CNTN5: variants seen among roughly 807,000 people sequenced by gnomAD.
The protein encoded by CNTN5 is contactin 5.
CNTN5 carries 77 observed loss-of-function variants against 129.1 expected under a neutral mutation model. The ratio of observed to expected loss-of-function variants is 0.60; its 90% CI spans 0.50 to 0.72. The LOEUF is 0.72. Among genes scored for constraint, CNTN5 ranks in the 30% least tolerant of loss-of-function variants. The pLI is 0.00. For synonymous variants in CNTN5, 509 were observed against 465.6 expected (o/e 1.09, Z -1.20); for missense variants, 1,478 against 1,328.8 (o/e 1.11, Z -1.75).
intron 13 of CNTN5, among the ~76,000 whole-genome samples, chr11:100,161,196 A>T (rs766199937): frequency 2.0e-4 from 31 of 151,814 alleles, no homozygotes; most frequent in Non-Finnish European, 3.8e-4. Flanking sequence ...GTTTTTCATG[A>T]TTGGGCTGTG....
intron 7 of CNTN5, among the ~76,000 whole-genome samples, chr11:99,916,621 A>G (rs1483658157): frequency 2.0e-5 from 3 of 152,138 alleles, no homozygotes; most frequent in Non-Finnish European, 4.4e-5. Context: ...CAAAACTGCA[A>G]TTTAGTTAGT....
In CNTN5 at chr11:100,299,189, G is replaced by A. The variant is rs2138889511; in HGVS notation, c.2413G>A (p.Glu805Lys). Residue 805 changes from glutamate (E) to lysine (K), a missense_variant, in exon 20 of 25, where the codon GAA becomes AAA. Glu to Lys is a moderately conservative substitution (Grantham distance 56). Coordinates refer to ENST00000524871, the MANE Select transcript of CNTN5 (RefSeq NM_014361.4). ...AGTATCTGAAGAGTTTCAGAATGGG[G>A]AAGGCTTCGGCTATATTGTGGCTTT... is the stretch of plus-strand genomic sequence containing the variant. Reference protein sequence around the residue: ...EPVSEEFQNGEGFGYIVAFRP... With the variant: ...EPVSEEFQNGKGFGYIVAFRP... 1 of 1,606,650 alleles carries A rather than the reference G, an allele frequency of 6.2e-7. No individual in the cohort carries two copies. Among genetic ancestry groups the A allele is most frequent in the Non-Finnish European group, 8.5e-7 (1 of 1,175,512 alleles).
intron 3 of CNTN5, among the ~76,000 whole-genome samples, chr11:99,594,745 G>GATC (rs1178511744): frequency 3.9e-5 from 6 of 152,206 alleles, no homozygotes; most frequent in African/African-American, 1.4e-4. Flanking sequence ...TGCTGCTTTA[G>GATC]ATCAGTACAA....
chr11:99,652,267 C>A (rs981857056), intron 3 of CNTN5, among the ~76,000 whole-genome samples: 3 of 151,970 alleles, frequency 2.0e-5, no homozygotes, highest in African/African-American at 7.2e-5. Flanking sequence ...TCATATAGCC[C>A]CCTCTCACAA....
intron 9 of CNTN5, among the ~76,000 whole-genome samples, chr11:100,057,953 G>A (rs1018118999): frequency 1.3e-5 from 2 of 151,944 alleles, no homozygotes; most frequent in Non-Finnish European, 2.9e-5. Context: ...TCCACCATAC[G>A]TTACAATTGA....
chr11:100,136,600 G>A (rs987023164), intron 13 of CNTN5, among the ~76,000 whole-genome samples: 39 of 151,776 alleles, frequency 2.6e-4, no homozygotes, highest in Non-Finnish European at 3.1e-4. Flanking sequence ...AAAATCATAT[G>A]AATAATAAAT....
chr11:99,662,131 G>A (rs546944426), intron 3 of CNTN5, among the ~76,000 whole-genome samples: 1 of 152,120 alleles, frequency 6.6e-6, no homozygotes, highest in South Asian at 2.1e-4. Context: ...TCTACTAACG[G>A]GGTTTGCCCT....
At chr11:100,192,731 A>T (rs909651499) in intron 14 of CNTN5, among the ~76,000 whole-genome samples, 1 of 151,994 alleles carries the variant, frequency 6.6e-6, no homozygotes, top group African/African-American at 2.4e-5. Flanking sequence ...TTTAGCCTTT[A>T]TTGGTTCAAA....
chr11:99,665,273 A>G (rs867794870), intron 3 of CNTN5, among the ~76,000 whole-genome samples: 6 of 152,142 alleles, frequency 3.9e-5, no homozygotes, highest in Non-Finnish European at 8.8e-5. Flanking sequence ...TTTTGATGTG[A>G]CCTGGAGTTA....
intron 1 of CNTN5, among the ~76,000 whole-genome samples, chr11:99,057,171 C>A (rs1036931233): frequency 1.3e-5 from 2 of 151,748 alleles, no homozygotes; most frequent in African/African-American, 2.4e-5. Flanking sequence ...ATTCCATGCA[C>A]CTCTGTATGT....
chr11:99,249,877 T>A (rs1316226732), intron 1 of CNTN5, among the ~76,000 whole-genome samples: 1 of 151,912 alleles, frequency 6.6e-6, no homozygotes, highest in Non-Finnish European at 1.5e-5. Flanking sequence ...TAAATAATAA[T>A]CCACAAATAG....
chr11:99,041,679 A>C (rs910361569), intron 1 of CNTN5, among the ~76,000 whole-genome samples: 1 of 152,228 alleles, frequency 6.6e-6, no homozygotes. Context: ...GCATAATAGC[A>C]ATAAAGAGCA....
chr11:99,921,018 A>G (rs1008189119), intron 7 of CNTN5, among the ~76,000 whole-genome samples: 1 of 152,160 alleles, frequency 6.6e-6, no homozygotes, highest in Non-Finnish European at 1.5e-5. Flanking sequence ...AATGTGAGAA[A>G]ACAAAGAAGG....
intron 2 of CNTN5, among the ~76,000 whole-genome samples, chr11:99,533,615 T>C (rs10893472): frequency 0.25 from 38,615 of 152,070 alleles, 5,315 homozygotes; most frequent in Non-Finnish European, 0.31. Context: ...CTTCCACCCA[T>C]ACACTTACAC....
intron 8 of CNTN5, 50 bp downstream of exon 8, chr11:99,957,059 T>A (rs748684510): frequency 6.7e-7 from 1 of 1,491,282 alleles, no homozygotes. Flanking sequence ...ATTTGGAAAA[T>A]AAAGATGTAT....
intron 3 of CNTN5, among the ~76,000 whole-genome samples, chr11:99,794,550 T>G (rs1414128216): frequency 2.0e-5 from 3 of 152,166 alleles, no homozygotes; most frequent in Non-Finnish European, 2.9e-5. Flanking sequence ...GTGCTTTTGT[T>G]GTGGCTGTAA....
chr11:100,010,505 G>A (rs748674303), intron 9 of CNTN5, among the ~76,000 whole-genome samples: 43 of 152,114 alleles, frequency 2.8e-4, no homozygotes, highest in Non-Finnish European at 1.2e-4. Flanking sequence ...CCATTCAGGG[G>A]CTATCGAGCT....
intron 3 of CNTN5, among the ~76,000 whole-genome samples, chr11:99,774,494 TA>T (rs5794022): frequency 0.41 from 59,458 of 144,992 alleles, 12,510 homozygotes; most frequent in East Asian, 0.59. Flanking sequence ...ATAGGAGAAG[TA>T]AAAAAAAAAA....
At chr11:99,959,025 C>T (rs886568563) in intron 8 of CNTN5, among the ~76,000 whole-genome samples, 2 of 152,094 alleles carry the variant, frequency 1.3e-5, no homozygotes, top group Admixed American at 6.6e-5. Context: ...CTTATCTTTA[C>T]GTTCTACCTT....
Sources: gnomAD v4.1 joint callset for allele counts (sites outside exome capture counted in the v4.1 genomes callset) on GRCh38, gnomAD v4.1.1 for gene constraint, MANE v1.5 for transcripts, NCBI Gene and HGNC (gene_info 2026-07-23, HGNC 2026-07-21) for gene names.